The following SFMBT1 variants were observed in gnomAD, a reference collection of about 807,000 sequenced individuals.
The protein encoded by SFMBT1 is Scm like with four mbt domains 1, also known as scm-like with four MBT domains protein 1.
In SFMBT1, 32 loss-of-function variants were observed where a neutral mutation model predicts 108.7. That is an observed-to-expected ratio of 0.29 (90% CI 0.22 to 0.40). SFMBT1 has a LOEUF of 0.40. Among genes scored for constraint, SFMBT1 ranks in the 10% least tolerant of loss-of-function variants. The probability of loss-of-function intolerance (pLI) is 1.00; values close to 1 mark genes in which losing one functional copy is unlikely to be tolerated. For synonymous variants in SFMBT1, 348 were observed against 369.5 expected (o/e 0.94, Z 0.67); for missense variants, 816 against 1,059.6 (o/e 0.77, Z 3.19).
intron 1 of SFMBT1, among the ~76,000 whole-genome samples, chr3:52,993,298 T>C (rs960615482): frequency 4.0e-5 from 6 of 150,228 alleles, no homozygotes; most frequent in African/African-American, 1.2e-4. Context: ...TTTTTATTTG[T>C]AGCAAAGCTA....
At chr3:52,921,888 G>A (rs1702530290) in intron 10 of SFMBT1, 57 bp from the exon 11 acceptor site, 1 of 1,574,398 alleles carries the variant, frequency 6.4e-7, no homozygotes, top group African/African-American at 1.3e-5. Flanking sequence ...TAACTCACGT[G>A]CTCAGCTAGA....
intron 1 of SFMBT1, among the ~76,000 whole-genome samples, chr3:53,042,638 T>C (rs754044627): frequency 1.3e-5 from 2 of 152,232 alleles, no homozygotes; most frequent in Non-Finnish European, 2.9e-5. Context: ...CCACTGTGCC[T>C]AGCCAGCAAT....
chr3:52,924,218 G>A (rs1702594900), intron 10 of SFMBT1, among the ~76,000 whole-genome samples: 1 of 152,056 alleles, frequency 6.6e-6, no homozygotes, highest in Non-Finnish European at 1.5e-5. Flanking sequence ...CTGAGAGATG[G>A]GGATCCATCA....
At chr3:53,007,328 G>T (rs56129941) in intron 1 of SFMBT1, among the ~76,000 whole-genome samples, 40,563 of 152,080 alleles carry the variant, frequency 0.27, 5,964 homozygotes, top group Middle Eastern at 0.4. Flanking sequence ...CACCTTCACC[G>T]TTGTATCAAA....
chr3:52,946,475 T>C (rs1703370431), intron 3 of SFMBT1, among the ~76,000 whole-genome samples: 1 of 152,260 alleles, frequency 6.6e-6, no homozygotes, highest in African/African-American at 2.4e-5. Context: ...TTGTCGAACA[T>C]TACTTACGAG....
chr3:53,003,827 T>C (rs1399749210), intron 1 of SFMBT1, among the ~76,000 whole-genome samples: 10 of 148,772 alleles, frequency 6.7e-5, no homozygotes, highest in African/African-American at 2.4e-4. Flanking sequence ...CCATGACTAA[T>C]ATCCAAAATT....
chr3:52,930,904 G>A (rs41275523), intron 7 of SFMBT1, 37 bp downstream of exon 7: 49,428 of 1,566,374 alleles, frequency 0.032, 877 homozygotes, highest in Non-Finnish European at 0.038. Context: ...CTACTGTAAG[G>A]GGAGCAATAC....
intron 3 of SFMBT1, 141 bp downstream of exon 3, chr3:52,954,176 A>G (rs1386647443): frequency 4.8e-6 from 3 of 621,310 alleles, no homozygotes; most frequent in Non-Finnish European, 5.6e-6. Context: ...TGTTCTTACT[A>G]AGGGTGGCAG....
intron 17 of SFMBT1, among the ~76,000 whole-genome samples, chr3:52,908,262 C>T (rs943373041): frequency 3.3e-5 from 5 of 151,540 alleles, no homozygotes; most frequent in East Asian, 3.9e-4. Flanking sequence ...TTAGTAGAGA[C>T]GGGGTTTCAC....
At chr3:52,946,641 C>T (rs1266283311) in intron 3 of SFMBT1, among the ~76,000 whole-genome samples, 1 of 152,166 alleles carries the variant, frequency 6.6e-6, no homozygotes, top group Non-Finnish European at 1.5e-5. Context: ...AATAATGATG[C>T]CATAAACATT....
chr3:53,040,737 C>G (rs1350475322), intron 1 of SFMBT1, among the ~76,000 whole-genome samples: 2 of 152,006 alleles, frequency 1.3e-5, no homozygotes, highest in African/African-American at 4.8e-5. Context: ...AGTTACTCAA[C>G]TGTTCAAACC....
intron 1 of SFMBT1, among the ~76,000 whole-genome samples, chr3:53,016,449 G>C (rs140422378): frequency 3.0e-4 from 45 of 152,330 alleles, no homozygotes; most frequent in African/African-American, 1.0e-3. Context: ...CCACAAGCGT[G>C]AATAACAGCT....
intron 1 of SFMBT1, among the ~76,000 whole-genome samples, chr3:53,033,628 C>A (rs1259698067): frequency 1.3e-5 from 2 of 151,992 alleles, no homozygotes; most frequent in South Asian, 2.1e-4. Context: ...AAGATTTATA[C>A]ACACACACGT....
At chr3:52,942,449 A>G (rs1160755989) in intron 4 of SFMBT1, among the ~76,000 whole-genome samples, 1 of 152,234 alleles carries the variant, frequency 6.6e-6, no homozygotes, top group African/African-American at 2.4e-5. Context: ...TATGATTCTC[A>G]TAACTTTTTG....
intron 7 of SFMBT1, 36 bp downstream of exon 7, chr3:52,930,905 G>C: frequency 6.4e-7 from 1 of 1,569,656 alleles, no homozygotes; most frequent in Non-Finnish European, 8.8e-7. Flanking sequence ...TACTGTAAGG[G>C]GAGCAATACC....
intron 1 of SFMBT1, among the ~76,000 whole-genome samples, chr3:52,985,854 A>C (rs1198651106): frequency 2.0e-5 from 3 of 152,186 alleles, no homozygotes; most frequent in Admixed American, 2.0e-4. Context: ...TAAAAGATAA[A>C]AAATGAGGCC....
chr3:53,017,866 C>A (rs895705446), intron 1 of SFMBT1, among the ~76,000 whole-genome samples: 7 of 152,182 alleles, frequency 4.6e-5, no homozygotes, highest in African/African-American at 1.7e-4. Context: ...TGGCAAGTAA[C>A]AATAAACTGC....
chr3:52,916,107 A>G (rs760901566), intron 14 of SFMBT1, 43 bp downstream of exon 14: 16 of 1,547,074 alleles, frequency 1.0e-5, no homozygotes, highest in Non-Finnish European at 1.4e-5. Flanking sequence ...GTCCATTAAA[A>G]GAAACTAAGT....
intron 1 of SFMBT1, among the ~76,000 whole-genome samples, chr3:52,992,123 T>A (rs1197522028): frequency 6.6e-6 from 1 of 152,200 alleles, no homozygotes; most frequent in Non-Finnish European, 1.5e-5. Context: ...CTTCTGCCCA[T>A]TGCTGTTGCC....
Sources: allele counts gnomAD v4.1 joint callset (sites outside exome capture counted in the v4.1 genomes callset), GRCh38; gene constraint gnomAD v4.1.1; transcripts MANE v1.5; gene names NCBI Gene and HGNC (gene_info 2026-07-23, HGNC 2026-07-21).